The following NAV3 variants were observed in gnomAD, a reference collection of about 807,000 sequenced individuals.
NAV3 encodes the protein pore membrane and/or filament interacting like protein 1.
Under a neutral mutation model 244.7 loss-of-function variants are expected in NAV3, and 87 were observed. The observed-to-expected ratio is 0.36, with a 90% confidence interval of 0.30 to 0.42. The LOEUF (loss-of-function observed/expected upper bound fraction) is 0.42. Ranked by LOEUF, NAV3 falls within the 20% of genes least tolerant of loss-of-function variation. The probability of loss-of-function intolerance (pLI) is 1.00; values close to 1 mark genes in which losing one functional copy is unlikely to be tolerated. For synonymous variants in NAV3, 1,126 were observed against 1,042.2 expected, an observed-to-expected ratio of 1.08 and a Z score of -1.55; for missense variants, 2,663 against 2,893.3, an observed-to-expected ratio of 0.92 and a Z score of 1.83.
chr12:77,667,291 C>G (rs187888347), intron 2 of NAV3, among the ~76,000 whole-genome samples: 253 of 152,276 alleles, frequency 1.7e-3, no homozygotes, highest in African/African-American at 5.8e-3. Flanking sequence ...ATTGCTGCCG[C>G]AGGCTCCCTG....
chr12:77,844,899 T>G (rs541912301), intron 1 of NAV3, among the ~76,000 whole-genome samples: 1 of 152,184 alleles, frequency 6.6e-6, no homozygotes, highest in Non-Finnish European at 1.5e-5. Context: ...TACTCAATTT[T>G]CTCGACTTTG....
intron 1 of NAV3, among the ~76,000 whole-genome samples, chr12:77,869,361 A>G (rs1319606435): frequency 1.3e-5 from 2 of 152,226 alleles, no homozygotes; most frequent in Non-Finnish European, 2.9e-5. Flanking sequence ...TTTGAATTGA[A>G]AAATGTGTTA....
At chr12:78,074,505 C>A (rs1593478493) in intron 12 of NAV3, among the ~76,000 whole-genome samples, 1 of 152,096 alleles carries the variant, frequency 6.6e-6, no homozygotes, top group Non-Finnish European at 1.5e-5. Context: ...GAGTTCGAGA[C>A]CAGCCTGGCC....
chr12:78,075,453 T>A (rs1354548338), intron 12 of NAV3, among the ~76,000 whole-genome samples: 1 of 152,118 alleles, frequency 6.6e-6, no homozygotes, highest in Non-Finnish European at 1.5e-5. Flanking sequence ...AACTGAGAAG[T>A]CCATAGTTAC....
intron 2 of NAV3, among the ~76,000 whole-genome samples, chr12:77,707,769 TG>T (rs1282287265): frequency 3.9e-5 from 6 of 152,200 alleles, no homozygotes; most frequent in Non-Finnish European, 8.8e-5. Context: ...TGGTGTGAGA[TG>T]GTATCTCATT....
Position 77,803,721 on chromosome 12 carries a change from T to C in NAV3, c.73-136598T>C, listed in dbSNP as rs142193465. On this transcript the variant is annotated intron_variant, in intron 2 of 8. Coordinates refer to the NAV3 transcript ENST00000550042. ...TCGCCACTCAGTCTTCCACAGTGGT[T>C]GAACTAATTTACACTCCCACCAACA... Among the ~76,000 whole-genome samples the C allele has an allele frequency of 1.6e-3, 250 of 152,320 alleles. 2 individuals carry two copies. The highest frequency in any genetic ancestry group is 5.6e-3 in the African/African-American group (232 of 41,574).
At chr12:77,710,029 G>T (rs953872135) in intron 2 of NAV3, among the ~76,000 whole-genome samples, 38 of 152,070 alleles carry the variant, frequency 2.5e-4, no homozygotes, top group African/African-American at 8.9e-4. Context: ...ATGTCAGCTT[G>T]CATTAGCTTT....
At chr12:78,142,017 G>T (rs963054220) in intron 20 of NAV3, among the ~76,000 whole-genome samples, 1 of 152,036 alleles carries the variant, frequency 6.6e-6, no homozygotes, top group African/African-American at 2.4e-5. Flanking sequence ...TTAGATAGAA[G>T]AAATAAGGTC....
At chr12:78,122,517 C>G (rs1777597393) in intron 16 of NAV3, 89 bp downstream of exon 16, 1 of 1,444,654 alleles carries the variant, frequency 6.9e-7, no homozygotes, top group Non-Finnish European at 9.2e-7. Context: ...CTTGATTTCA[C>G]TGTGAGTGCC....
At chr12:77,768,429 G>A (rs1479866243) in intron 2 of NAV3, among the ~76,000 whole-genome samples, 1 of 152,218 alleles carries the variant, frequency 6.6e-6, no homozygotes, top group African/African-American at 2.4e-5. Flanking sequence ...CCTGCACCAA[G>A]CTGCCCTTAG....
chr12:77,848,283 T>G (rs1316083520), intron 1 of NAV3, among the ~76,000 whole-genome samples: 1 of 152,198 alleles, frequency 6.6e-6, no homozygotes, highest in Admixed American at 6.5e-5. Context: ...TTGTAATGAC[T>G]GTGGTTTCTT....
In NAV3 at chr12:77,684,519, T is replaced by TA. The variant is rs577385836; in HGVS notation, c.72+112254dup. On this transcript the variant is annotated intron_variant, in intron 2 of 8. Coordinates refer to the NAV3 transcript ENST00000550042. ...TTATTTTTTTATAGAGACAGGGTCT[T>TA]ACTGTGTTGCCCAGGCAGTTCTTGA... 6.2e-4 allele frequency among the ~76,000 whole-genome samples: 95 copies of TA among 152,082 alleles called. 8 individuals are homozygous for TA. The South Asian group carries it at 0.016, about 26-fold the overall frequency.
At chr12:77,591,917 G>A (rs978700725) in intron 2 of NAV3, among the ~76,000 whole-genome samples, 1 of 152,198 alleles carries the variant, frequency 6.6e-6, no homozygotes, top group African/African-American at 2.4e-5. Context: ...ACAAATTTCT[G>A]AGATGATTTG....
intron 13 of NAV3, 148 bp from the exon 14 acceptor site, chr12:78,117,879 G>A: frequency 1.3e-6 from 1 of 770,006 alleles, no homozygotes; most frequent in East Asian, 3.0e-5. Flanking sequence ...TGGGAATTAT[G>A]TGGCTAAAAT....
At chr12:78,075,260 G>A (rs922151953) in intron 12 of NAV3, among the ~76,000 whole-genome samples, 11 of 152,126 alleles carry the variant, frequency 7.2e-5, no homozygotes, top group African/African-American at 2.4e-4. Flanking sequence ...TTAGATTCCT[G>A]GTTTATGATC....
chr12:77,631,566 G>A (rs1302048903), intron 2 of NAV3, among the ~76,000 whole-genome samples: 1 of 151,766 alleles, frequency 6.6e-6, no homozygotes, highest in Non-Finnish European at 1.5e-5. Flanking sequence ...TGGAGTCAGA[G>A]ATCCAAGTTC....
At chr12:78,048,913 C>T (rs55962406) in intron 9 of NAV3, among the ~76,000 whole-genome samples, 34 of 152,186 alleles carry the variant, frequency 2.2e-4, no homozygotes, top group South Asian at 6.2e-4. Context: ...AGATATGCCC[C>T]GCCCAGAGAG....
intron 18 of NAV3, among the ~76,000 whole-genome samples, chr12:78,132,423 C>CT (rs1956204188): frequency 6.6e-6 from 1 of 152,134 alleles, no homozygotes; most frequent in Non-Finnish European, 1.5e-5. Flanking sequence ...GATCTCTCAG[C>CT]TGTGTCAGAC....
chr12:77,916,820 T>C (rs1029583358), intron 1 of NAV3, among the ~76,000 whole-genome samples: 1 of 151,970 alleles, frequency 6.6e-6, no homozygotes. Context: ...TGTTTTATGA[T>C]TACAATTAGT....
Sources: gnomAD v4.1 joint callset for allele counts (sites outside exome capture counted in the v4.1 genomes callset) on GRCh38, gnomAD v4.1.1 for gene constraint, MANE v1.5 for transcripts, NCBI Gene and HGNC (gene_info 2026-07-23, HGNC 2026-07-21) for gene names.